The following TTC27 variants were observed in gnomAD, a reference collection of about 807,000 sequenced individuals.
TTC27 encodes the protein tetratricopeptide repeat domain 27.
TTC27 carries 79 observed loss-of-function variants against 115.9 expected under a neutral mutation model. The observed-to-expected ratio is 0.68, with a 90% confidence interval of 0.57 to 0.82. The LOEUF (loss-of-function observed/expected upper bound fraction) is 0.82, where lower values mean the gene tolerates loss of function less well. TTC27 is among the 40% of genes least tolerant of loss of function. TTC27 has a pLI of 0.00. For missense variants in TTC27, 1,054 were observed against 993.1 expected, an observed-to-expected ratio of 1.06 and a Z score of -0.82; for synonymous variants, 401 against 356.0, an observed-to-expected ratio of 1.13 and a Z score of -1.42.
chr2:32,801,420 A>T (rs530843957), intron 16 of TTC27, among the ~76,000 whole-genome samples: 3 of 152,036 alleles, frequency 2.0e-5, no homozygotes, highest in South Asian at 4.2e-4. Context: ...AACTCCAATC[A>T]CTGCCTCCAT....
At chr2:32,637,968 C>A (rs1182266465) in intron 3 of TTC27, among the ~76,000 whole-genome samples, 3 of 152,196 alleles carry the variant, frequency 2.0e-5, no homozygotes, top group African/African-American at 7.2e-5. Flanking sequence ...AAAAGTCATC[C>A]TGGCCATGTC....
rs1665689520 is a variant in TTC27, at chr2:32,664,458, G to T, written c.796G>T (p.Asp266Tyr). The T allele has an allele frequency of 1.2e-6, 2 of 1,602,212 alleles. No individual in the cohort carries two copies. The highest frequency in any genetic ancestry group is 1.1e-5 in the South Asian group (1 of 87,382). ...IAKDISQLQI[D>Y]LTGALGKRTR... is the part of the protein sequence containing the mutation. ...TAAGGACATCAGCCAATTACAAATT[G>T]ATTTGACAGGTAAGACTTATTTTTT... The change falls in exon 6 of 20, where the codon GAT becomes TAT. Residue 266 changes from aspartate (D) to tyrosine (Y), a missense_variant. Transcript: ENST00000317907.
rs116486202 is a variant in TTC27, at chr2:32,722,406, G to A, written c.1234-11422G>A. Among the ~76,000 whole-genome samples the A allele has an allele frequency of 1.9e-3, 294 of 152,316 alleles. 1 individual carries two copies. Among genetic ancestry groups the A allele is most frequent in the African/African-American group, 6.8e-3 (283 of 41,560 alleles). On this transcript the variant is annotated intron_variant, in intron 10 of 19. Coordinates refer to ENST00000317907, the MANE Select transcript of TTC27 (RefSeq NM_017735.5). Reference sequence around the variant, plus strand: ...TGCTACTGTTTATACAGAGCTGTGTGTAGTTACTGCCATTTAATTAACTGT... The same window carrying A: ...TGCTACTGTTTATACAGAGCTGTGTATAGTTACTGCCATTTAATTAACTGT...
intron 13 of TTC27, among the ~76,000 whole-genome samples, chr2:32,760,275 G>A (rs1236198445): frequency 6.6e-6 from 1 of 152,222 alleles, no homozygotes; most frequent in Non-Finnish European, 1.5e-5. Context: ...ACTAATGGGT[G>A]TATTTGACAG....
intron 12 of TTC27, among the ~76,000 whole-genome samples, chr2:32,754,532 C>G (rs182001253): frequency 7.4e-5 from 11 of 148,874 alleles, no homozygotes; most frequent in African/African-American, 2.5e-4. Context: ...GAAAAGTCTC[C>G]CATGTCTACT....
intron 9 of TTC27, among the ~76,000 whole-genome samples, chr2:32,693,412 G>A (rs182037719): frequency 1.3e-5 from 2 of 152,318 alleles, no homozygotes; most frequent in East Asian, 3.9e-4. Flanking sequence ...CAGAACCTTT[G>A]AGGTTGGAGC....
chr2:32,655,058 G>A (rs1410952042), intron 5 of TTC27, among the ~76,000 whole-genome samples: 1 of 150,988 alleles, frequency 6.6e-6, no homozygotes, highest in Admixed American at 6.6e-5. Context: ...GCGTGACCTC[G>A]GCTCAACTCA....
chr2:32,634,711 C>T (rs1450027839), intron 3 of TTC27, among the ~76,000 whole-genome samples: 1 of 151,952 alleles, frequency 6.6e-6, no homozygotes, highest in Non-Finnish European at 1.5e-5. Flanking sequence ...GGCTGGAGTA[C>T]AATGGCGCGA....
rs187038259 is a variant in TTC27 at position 32,782,412 on chromosome 2, A to G, written c.1780-214A>G. On this transcript the variant is annotated intron_variant, in intron 14 of 19. Coordinates refer to ENST00000317907, the MANE Select transcript of TTC27 (RefSeq NM_017735.5). ...CTGAATTGCTAATTGGTACAATAAT[A>G]GTTACATTGCATAGTTGATTGTTTT... Among the ~76,000 whole-genome samples the G allele has an allele frequency of 1.8e-3, 278 of 152,352 alleles. 2 individuals are homozygous for G. The highest frequency in any genetic ancestry group is 3.2e-3 in the Non-Finnish European group (217 of 68,022).
intron 10 of TTC27, among the ~76,000 whole-genome samples, chr2:32,728,780 G>GTAA (rs1668197658): frequency 6.6e-6 from 1 of 152,066 alleles, no homozygotes; most frequent in African/African-American, 2.4e-5. Context: ...GTTTAATGAT[G>GTAA]GTGTTGATAC....
intron 13 of TTC27, among the ~76,000 whole-genome samples, chr2:32,761,855 G>C (rs984803261): frequency 6.6e-6 from 1 of 152,040 alleles, no homozygotes; most frequent in African/African-American, 2.4e-5. Context: ...AAAGTGCCTT[G>C]TACTTATCAG....
intron 12 of TTC27, among the ~76,000 whole-genome samples, chr2:32,751,171 G>A (rs751099071): frequency 1.3e-5 from 2 of 151,832 alleles, no homozygotes; most frequent in Non-Finnish European, 2.9e-5. Context: ...GCTGTAATCA[G>A]AGCCACCACT....
chr2:32,818,730 G>A (rs1307912440), intron 19 of TTC27, among the ~76,000 whole-genome samples: 1 of 152,182 alleles, frequency 6.6e-6, no homozygotes, highest in Non-Finnish European at 1.5e-5. Flanking sequence ...GGGTTGCAAA[G>A]TAATTTTGAC....
At chr2:32,800,156 C>T (rs777007263) in intron 16 of TTC27, among the ~76,000 whole-genome samples, 3 of 152,180 alleles carry the variant, frequency 2.0e-5, no homozygotes, top group Non-Finnish European at 4.4e-5. Context: ...GGGCGGGGAA[C>T]AGTACCTGGC....
In TTC27 at chr2:32,702,828, T is replaced by A. The variant is rs1179173724; in HGVS notation, c.1141T>A (p.Phe381Ile). ...FTSCLLSQPK[F>I]WAIQTSALIL... ...TCAGTGTTTGCTTTCACAACCAAAG[T>A]TCTGGGCCATTCAGACATCAGCCTT... The change falls in exon 10 of 20, where the codon TTC becomes ATC. Residue 381 changes from phenylalanine (F) to isoleucine (I), a missense_variant. By Grantham distance (21) the Phe-to-Ile change is conservative (BLOSUM62 0). Transcript: ENST00000317907. The A allele has an allele frequency of 6.2e-7, 1 of 1,613,986 alleles. No homozygotes were observed. Among genetic ancestry groups the A allele is most frequent in the South Asian group, 1.1e-5 (1 of 91,050 alleles).
intron 16 of TTC27, among the ~76,000 whole-genome samples, chr2:32,809,972 C>T (rs1237504250): frequency 1.3e-5 from 2 of 152,042 alleles, no homozygotes; most frequent in Non-Finnish European, 2.9e-5. Context: ...CAAAAATTAG[C>T]CAGGCATGGT....
chr2:32,657,396 C>G (rs1458204255), intron 5 of TTC27, among the ~76,000 whole-genome samples: 1 of 149,870 alleles, frequency 6.7e-6, no homozygotes, highest in Non-Finnish European at 1.5e-5. Flanking sequence ...CTCTGTCGCC[C>G]AAGCTGGAGT....
intron 9 of TTC27, among the ~76,000 whole-genome samples, chr2:32,699,181 C>G (rs1194145780): frequency 6.6e-6 from 1 of 152,126 alleles, no homozygotes. Flanking sequence ...GGACTTCTGC[C>G]CTGGAGGAAC....
intron 15 of TTC27, among the ~76,000 whole-genome samples, chr2:32,786,636 C>A (rs1044978575): frequency 2.0e-5 from 3 of 152,146 alleles, no homozygotes; most frequent in Non-Finnish European, 2.9e-5. Flanking sequence ...TACAGGTTTG[C>A]AATTGTGCTT....
Sources: allele counts gnomAD v4.1 joint callset (sites outside exome capture counted in the v4.1 genomes callset), GRCh38; gene constraint gnomAD v4.1.1; transcripts MANE v1.5; gene names NCBI Gene and HGNC (gene_info 2026-07-23, HGNC 2026-07-21).